Variants in HPSE2 observed in about 807,000 individuals in gnomAD.
The protein encoded by HPSE2 is heparanase 2 (inactive), also known as inactive heparanase-2.
A neutral mutation model predicts 60.5 loss-of-function variants in HPSE2; 38 were observed. The ratio of observed to expected loss-of-function variants is 0.63; its 90% CI spans 0.48 to 0.82. HPSE2 has a LOEUF of 0.82. Ranked by LOEUF, HPSE2 falls within the 40% of genes least tolerant of loss-of-function variation. The probability of loss-of-function intolerance (pLI) is 0.00; values close to 1 mark genes in which losing one functional copy is unlikely to be tolerated. For missense variants in HPSE2, 713 were observed against 740.4 expected (o/e 0.96, Z 0.43); for synonymous variants, 295 against 293.2 (o/e 1.01, Z -0.06).
intron 3 of HPSE2, among the ~76,000 whole-genome samples, chr10:98,952,811 T>C (rs1412433163): frequency 6.6e-6 from 1 of 152,092 alleles, no homozygotes; most frequent in Non-Finnish European, 1.5e-5. Context: ...GTGCATGATC[T>C]CTCTTCTTCT....
At chr10:98,797,726 C>A (rs1167762437) in intron 3 of HPSE2, among the ~76,000 whole-genome samples, 1 of 151,990 alleles carries the variant, frequency 6.6e-6, no homozygotes, top group Non-Finnish European at 1.5e-5. Flanking sequence ...CGTCTGTAGT[C>A]CCAGCTACTC....
chr10:99,279,139 G>A, the HPSE2 span, among the ~76,000 whole-genome samples: 1 of 152,104 alleles, frequency 6.6e-6, no homozygotes, highest in African/African-American at 2.4e-5. Flanking sequence ...ATTTCAACAG[G>A]GTTGCAATTG....
chr10:98,812,800 A>C (rs561379359), intron 3 of HPSE2, among the ~76,000 whole-genome samples: 1 of 152,284 alleles, frequency 6.6e-6, no homozygotes, highest in Non-Finnish European at 1.5e-5. Flanking sequence ...AAGTCACCTC[A>C]AACTTTGTCT....
At chr10:99,192,907 A>T (rs1848270223) in intron 2 of HPSE2, among the ~76,000 whole-genome samples, 2 of 151,970 alleles carry the variant, frequency 1.3e-5, no homozygotes, top group South Asian at 2.1e-4. Context: ...TTTCATATAT[A>T]AAAAAAAGGA....
At chr10:98,847,250 A>G (rs145457945) in intron 3 of HPSE2, among the ~76,000 whole-genome samples, 1,528 of 152,342 alleles carry the variant, frequency 0.01, 13 homozygotes, top group Non-Finnish European at 0.014. Context: ...TCTCAAAAAT[A>G]TATCTGGTAA....
At chr10:99,185,144 A>G (rs940714418) in intron 2 of HPSE2, among the ~76,000 whole-genome samples, 1 of 151,642 alleles carries the variant, frequency 6.6e-6, no homozygotes. Context: ...GACTAAATAT[A>G]CAAAAAAAAA....
At chr10:99,263,891 C>T in the HPSE2 span, among the ~76,000 whole-genome samples, 1 of 152,122 alleles carries the variant, frequency 6.6e-6, no homozygotes, top group Non-Finnish European at 1.5e-5. Flanking sequence ...TCTTGACTCC[C>T]TCTTGGAGTG....
At chr10:98,537,753 C>G (rs1012262935) in intron 9 of HPSE2, among the ~76,000 whole-genome samples, 2 of 152,166 alleles carry the variant, frequency 1.3e-5, no homozygotes, top group Non-Finnish European at 2.9e-5. Context: ...TCAGGGAACA[C>G]TCTGCTCCAC....
intron 6 of HPSE2, among the ~76,000 whole-genome samples, chr10:98,675,741 A>G (rs1037489365): frequency 1.3e-5 from 2 of 152,168 alleles, no homozygotes; most frequent in African/African-American, 4.8e-5. Context: ...TCTAAGAAAG[A>G]AAGTGAGACA....
At chr10:99,038,100 T>C (rs1481914407) in intron 3 of HPSE2, among the ~76,000 whole-genome samples, 2 of 152,118 alleles carry the variant, frequency 1.3e-5, no homozygotes, top group East Asian at 1.9e-4. Flanking sequence ...ATAGTCACTT[T>C]GGAAAATAGT....
intron 3 of HPSE2, among the ~76,000 whole-genome samples, chr10:98,868,533 G>A (rs1025253546): frequency 2.6e-5 from 4 of 152,116 alleles, no homozygotes; most frequent in Admixed American, 2.0e-4. Context: ...AACGGTAAAT[G>A]CTTGAGGGGA....
intron 2 of HPSE2, among the ~76,000 whole-genome samples, chr10:99,214,431 C>T (rs779703796): frequency 6.6e-6 from 1 of 152,126 alleles, no homozygotes; most frequent in Non-Finnish European, 1.5e-5. Flanking sequence ...ATATTCATAA[C>T]AGCCAAAAAG....
Position 99,076,034 on chromosome 10 carries a change from G to C in HPSE2, c.610+68204C>G, listed in dbSNP as rs182642543. Among the ~76,000 whole-genome samples the C allele has an allele frequency of 6.2e-3, 946 of 152,054 alleles. 4 individuals are homozygous for C. Among genetic ancestry groups the C allele is most frequent in the Middle Eastern group, 0.017 (5 of 294 alleles). On this transcript the variant is annotated intron_variant, in intron 3 of 11. Coordinates refer to ENST00000370552, the MANE Select transcript of HPSE2 (RefSeq NM_021828.5). The stretch of plus-strand genomic sequence containing the variant: ...CTTACATGTAATGTAACCACTGATA[G>C]GAAAGGACCATTTTTTTCATAGGTT...
At chr10:98,502,720 G>A (rs530427946) in intron 9 of HPSE2, among the ~76,000 whole-genome samples, 9 of 152,126 alleles carry the variant, frequency 5.9e-5, no homozygotes, top group South Asian at 2.1e-4. Context: ...AAACTAAAGC[G>A]CTTTTGCACA....
At chr10:98,959,551 T>C (rs982549952) in intron 3 of HPSE2, among the ~76,000 whole-genome samples, 1 of 152,118 alleles carries the variant, frequency 6.6e-6, no homozygotes, top group Admixed American at 6.6e-5. Context: ...TTTTGTGAAA[T>C]GATACTAATG....
At chr10:99,066,557 C>T (rs1243754246) in intron 3 of HPSE2, among the ~76,000 whole-genome samples, 1 of 152,146 alleles carries the variant, frequency 6.6e-6, no homozygotes, top group African/African-American at 2.4e-5. Context: ...TCATGTTTTA[C>T]ATGGTGGCAG....
chr10:99,276,465 C>A, the HPSE2 span, among the ~76,000 whole-genome samples: 1 of 152,178 alleles, frequency 6.6e-6, no homozygotes, highest in African/African-American at 2.4e-5. Flanking sequence ...ACATTAATCT[C>A]TTTCATATAT....
intron 3 of HPSE2, among the ~76,000 whole-genome samples, chr10:99,113,975 T>C (rs1844575106): frequency 6.6e-6 from 1 of 152,240 alleles, no homozygotes; most frequent in African/African-American, 2.4e-5. Flanking sequence ...TAGTACTATA[T>C]TTAATCCAAT....
intron 6 of HPSE2, among the ~76,000 whole-genome samples, chr10:98,674,157 C>T (rs2447302): frequency 0.35 from 53,590 of 151,968 alleles, 9,666 homozygotes; most frequent in Admixed American, 0.41. Flanking sequence ...GGAAGGCTTT[C>T]AATTAATGTT....
Sources: allele counts gnomAD v4.1 joint callset (sites outside exome capture counted in the v4.1 genomes callset), GRCh38; gene constraint gnomAD v4.1.1; transcripts MANE v1.5; gene names NCBI Gene and HGNC (gene_info 2026-07-23, HGNC 2026-07-21).